The following CACHD1 variants were observed in gnomAD, a reference collection of about 807,000 sequenced individuals.
CACHD1 encodes the protein cache domain containing 1.
CACHD1 carries 71 observed loss-of-function variants against 138.7 expected under a neutral mutation model. The observed-to-expected ratio is 0.51, with a 90% CI of 0.42 to 0.62. The LOEUF (loss-of-function observed/expected upper bound fraction) is 0.62. Ranked by LOEUF, CACHD1 falls within the 20% of genes least tolerant of loss-of-function variation. The pLI, the probability that CACHD1 is intolerant of heterozygous loss-of-function variation, is 0.00. For missense variants in CACHD1, 1,389 were observed against 1,625.3 expected (o/e 0.85, Z 2.50); for synonymous variants, 578 against 591.5 (o/e 0.98, Z 0.33).
chr1:64,479,953 A>G (rs556617312), intron 1 of CACHD1, among the ~76,000 whole-genome samples: 15 of 152,346 alleles, frequency 9.8e-5, no homozygotes, highest in African/African-American at 3.6e-4. Context: ...AAGTGACTTC[A>G]GACTCAGACA....
intron 1 of CACHD1, among the ~76,000 whole-genome samples, chr1:64,472,753 CTT>C (rs1400446552): frequency 6.6e-6 from 1 of 152,122 alleles, no homozygotes; most frequent in African/African-American, 2.4e-5. Context: ...ATAAAGGAAA[CTT>C]AATATATTGG....
At chr1:64,485,932 AC>A (rs974003703) in intron 1 of CACHD1, among the ~76,000 whole-genome samples, 2 of 152,072 alleles carry the variant, frequency 1.3e-5, no homozygotes, top group African/African-American at 4.8e-5. Context: ...TTTATAAGAA[AC>A]TGCCAGTCTA....
intron 1 of CACHD1, among the ~76,000 whole-genome samples, chr1:64,535,373 T>G (rs1041134050): frequency 1.3e-4 from 19 of 149,874 alleles, no homozygotes; most frequent in Non-Finnish European, 2.2e-4. Flanking sequence ...TTGCCCGGGC[T>G]GGAGTGCAAT....
intron 3 of CACHD1, among the ~76,000 whole-genome samples, chr1:64,584,638 G>A (rs1369519590): frequency 6.6e-6 from 1 of 152,026 alleles, no homozygotes; most frequent in African/African-American, 2.4e-5. Context: ...TCTATATAGT[G>A]TAGAACTTAA....
chr1:64,518,072 G>T (rs1216541532), intron 1 of CACHD1, among the ~76,000 whole-genome samples: 1 of 152,142 alleles, frequency 6.6e-6, no homozygotes, highest in African/African-American at 2.4e-5. Context: ...GAGGATCCTG[G>T]GAGGTGTTGG....
intron 1 of CACHD1, among the ~76,000 whole-genome samples, chr1:64,493,852 T>C (rs1040122472): frequency 2.6e-5 from 4 of 152,188 alleles, no homozygotes; most frequent in Non-Finnish European, 5.9e-5. Flanking sequence ...CTTATAGAAG[T>C]GTATGCACAT....
At chr1:64,656,876 G>A (rs973574885) in intron 12 of CACHD1, among the ~76,000 whole-genome samples, 1 of 151,936 alleles carries the variant, frequency 6.6e-6, no homozygotes, top group Non-Finnish European at 1.5e-5. Flanking sequence ...GGGGAGGAGG[G>A]TAGATACTTA....
intron 1 of CACHD1, among the ~76,000 whole-genome samples, chr1:64,505,688 A>C (rs1570312365): frequency 9.8e-5 from 6 of 61,488 alleles, no homozygotes; most frequent in South Asian, 5.2e-4. Flanking sequence ...CACCCCATCC[A>C]CGCCCGACCA....
At chr1:64,568,708 G>A (rs752645411) in intron 2 of CACHD1, among the ~76,000 whole-genome samples, 1 of 152,166 alleles carries the variant, frequency 6.6e-6, no homozygotes, top group Non-Finnish European at 1.5e-5. Flanking sequence ...TCAGGGGTAT[G>A]TATAGTACAT....
chr1:64,653,515 A>T (rs1167884389), intron 10 of CACHD1, among the ~76,000 whole-genome samples: 1 of 152,164 alleles, frequency 6.6e-6, no homozygotes, highest in African/African-American at 2.4e-5. Context: ...CAACAAAACA[A>T]CCAATACCTC....
At chr1:64,665,791 C>T (rs866045184) in intron 15 of CACHD1, among the ~76,000 whole-genome samples, 3 of 151,996 alleles carry the variant, frequency 2.0e-5, no homozygotes, top group African/African-American at 4.8e-5. Context: ...CTGAGGTGGG[C>T]GGATCACGAG....
At chr1:64,666,212 G>T in intron 16 of CACHD1, 45 bp downstream of exon 16, 1 of 1,289,914 alleles carries the variant, frequency 7.8e-7, no homozygotes, top group South Asian at 1.3e-5. Flanking sequence ...AATATATCAA[G>T]GATATTTTGG....
chr1:64,648,190 C>T (rs927058854), intron 9 of CACHD1, among the ~76,000 whole-genome samples, 156 bp downstream of exon 9: 7 of 152,186 alleles, frequency 4.6e-5, no homozygotes, highest in Non-Finnish European at 7.3e-5. Flanking sequence ...CAGGTTCTTC[C>T]TTATTACCCT....
chr1:64,671,530 G>A (rs1392957036), intron 16 of CACHD1, 34 bp from the exon 17 acceptor site: 1 of 1,612,160 alleles, frequency 6.2e-7, no homozygotes, highest in Admixed American at 1.7e-5. Flanking sequence ...AATAAGCCAT[G>A]CCTATTGTTC....
Position 64,622,321 on chromosome 1 carries a change from C to G in CACHD1, c.518-7034C>G, listed in dbSNP as rs115917882. On this transcript the variant is annotated intron_variant, in intron 4 of 26. Coordinates refer to ENST00000651257, the MANE Select transcript of CACHD1 (RefSeq NM_020925.4). ...ATCAGCTCTGCCTGTTAAGCAGTAG[C>G]TTGTGTCTGTGCGATTTTCCAGGTA... is the stretch of plus-strand genomic sequence containing the variant. 5.3e-3 allele frequency among the ~76,000 whole-genome samples: 805 copies of G among 152,330 alleles called. 11 individuals are homozygous for G. Among genetic ancestry groups the G allele is most frequent in the African/African-American group, 0.018 (751 of 41,574 alleles).
chr1:64,560,546 A>C (rs72929149), intron 2 of CACHD1, among the ~76,000 whole-genome samples: 2 of 152,096 alleles, frequency 1.3e-5, no homozygotes, highest in African/African-American at 4.8e-5. Flanking sequence ...ATTTAATTCC[A>C]TTATGGTCAG....
intron 1 of CACHD1, among the ~76,000 whole-genome samples, chr1:64,496,745 TATTTATGGGTCA>T (rs1042094703): frequency 2.6e-4 from 40 of 152,142 alleles, no homozygotes; most frequent in African/African-American, 8.7e-4. Context: ...CGGAAAGCTT[TATTTATGGGTCA>T]ATTTATGGGT....
At chr1:64,521,852 T>C (rs1278306991) in intron 1 of CACHD1, among the ~76,000 whole-genome samples, 1 of 152,234 alleles carries the variant, frequency 6.6e-6, no homozygotes, top group Non-Finnish European at 1.5e-5. Flanking sequence ...AGATGCTTTA[T>C]ATAGTCTAGA....
intron 1 of CACHD1, among the ~76,000 whole-genome samples, chr1:64,530,380 A>G (rs759531958): frequency 3.3e-5 from 5 of 152,208 alleles, no homozygotes; most frequent in Non-Finnish European, 5.9e-5. Context: ...GATGGAAACT[A>G]AGGTCGTTGA....
Sources: allele counts gnomAD v4.1 joint callset (sites outside exome capture counted in the v4.1 genomes callset), GRCh38; gene constraint gnomAD v4.1.1; transcripts MANE v1.5; gene names NCBI Gene and HGNC (gene_info 2026-07-23, HGNC 2026-07-21).